MYO1D: variants seen among roughly 807,000 people sequenced by gnomAD.
MYO1D encodes the protein unconventional myosin-Id.
A neutral mutation model predicts 122.0 loss-of-function variants in MYO1D; 83 were observed. The ratio of observed to expected loss-of-function variants is 0.68; its 90% CI spans 0.57 to 0.82. MYO1D has a LOEUF of 0.82. Ranked by LOEUF, MYO1D falls within the 40% of genes least tolerant of loss-of-function variation. The probability of loss-of-function intolerance (pLI) is 0.00; values close to 1 mark genes in which losing one functional copy is unlikely to be tolerated. For missense variants in MYO1D, 1,157 were observed against 1,269.5 expected (o/e 0.91, Z 1.35); for synonymous variants, 464 against 446.9 (o/e 1.04, Z -0.48).
At chr17:32,509,337 T>C (rs1439468797) in intron 21 of MYO1D, among the ~76,000 whole-genome samples, 1 of 152,252 alleles carries the variant, frequency 6.6e-6, no homozygotes, top group Non-Finnish European at 1.5e-5. Context: ...AACATCCCTG[T>C]ATTAGCTGCT....
chr17:32,863,589 G>C (rs961294277), intron 1 of MYO1D, among the ~76,000 whole-genome samples: 2 of 152,328 alleles, frequency 1.3e-5, no homozygotes, highest in Middle Eastern at 3.4e-3. Context: ...GATCAACTTA[G>C]TGTGGAACAA....
chr17:32,630,665 T>C (rs1344680915), intron 20 of MYO1D, among the ~76,000 whole-genome samples: 1 of 150,944 alleles, frequency 6.6e-6, no homozygotes, highest in Admixed American at 6.6e-5. Flanking sequence ...CTCCGCCTCC[T>C]GGGTTCACAT....
intron 21 of MYO1D, among the ~76,000 whole-genome samples, chr17:32,581,019 A>C (rs1240313717): frequency 6.6e-6 from 1 of 152,214 alleles, no homozygotes. Context: ...GTTTGTGTAG[A>C]ACTGGTGATA....
intron 2 of MYO1D, 101 bp downstream of exon 2, chr17:32,780,474 TC>T: frequency 8.1e-7 from 1 of 1,231,158 alleles, no homozygotes; most frequent in Middle Eastern, 2.0e-4. Flanking sequence ...TGCTCAGGCT[TC>T]TACCTTTAAA....
intron 6 of MYO1D, among the ~76,000 whole-genome samples, chr17:32,768,900 C>T (rs1012988944): frequency 3.9e-5 from 6 of 152,136 alleles, no homozygotes; most frequent in African/African-American, 1.2e-4. Context: ...TCTAAATGTC[C>T]TACTGTGGGG....
chr17:32,599,069 C>T (rs545972386), intron 21 of MYO1D, among the ~76,000 whole-genome samples: 73 of 152,278 alleles, frequency 4.8e-4, no homozygotes, highest in African/African-American at 1.7e-3. Flanking sequence ...AAGTTTGCCA[C>T]ATTCATTGAC....
chr17:32,842,886 C>CTTTT (rs34927176), intron 1 of MYO1D, among the ~76,000 whole-genome samples: 280 of 104,420 alleles, frequency 2.7e-3, no homozygotes, highest in Non-Finnish European at 3.6e-3. Context: ...CTATTTCTTT[C>CTTTT]TTTTTTTTTT....
chr17:32,669,491 T>C (rs1397530523), intron 16 of MYO1D, among the ~76,000 whole-genome samples: 1 of 152,220 alleles, frequency 6.6e-6, no homozygotes, highest in Non-Finnish European at 1.5e-5. Context: ...AGTCTACCAC[T>C]TCTTTAGGTT....
chr17:32,644,924 T>TA (rs1222175615), intron 19 of MYO1D, among the ~76,000 whole-genome samples: 15 of 152,262 alleles, frequency 9.9e-5, no homozygotes, highest in African/African-American at 3.6e-4. Context: ...TTAAGGTTAA[T>TA]ACTGTTATGT....
At chr17:32,727,803 G>C (rs2089594069) in intron 14 of MYO1D, among the ~76,000 whole-genome samples, 1 of 152,148 alleles carries the variant, frequency 6.6e-6, no homozygotes, top group Non-Finnish European at 1.5e-5. Context: ...CTACTTATGA[G>C]AGACACACTT....
chr17:32,671,962 C>T (rs914440413), intron 16 of MYO1D, among the ~76,000 whole-genome samples: 1 of 152,286 alleles, frequency 6.6e-6, no homozygotes, highest in East Asian at 1.9e-4. Flanking sequence ...AACATATTAT[C>T]TATCCTGACC....
intron 1 of MYO1D, among the ~76,000 whole-genome samples, chr17:32,822,958 G>A (rs543823274): frequency 6.6e-6 from 1 of 152,128 alleles, no homozygotes; most frequent in African/African-American, 2.4e-5. Context: ...TTGTGCACAT[G>A]TACCCTAAAA....
intron 21 of MYO1D, among the ~76,000 whole-genome samples, chr17:32,561,011 A>C (rs2087120532): frequency 1.3e-5 from 2 of 150,416 alleles, no homozygotes; most frequent in African/African-American, 2.5e-5. Flanking sequence ...TCCTGGGTTC[A>C]AGTGATTCTC....
chr17:32,650,157 C>T (rs2088369001), intron 19 of MYO1D, among the ~76,000 whole-genome samples: 1 of 152,084 alleles, frequency 6.6e-6, no homozygotes, highest in South Asian at 2.1e-4. Flanking sequence ...CTGAAAAAGT[C>T]TTTATTTCAC....
chr17:32,810,084 T>C lies in MYO1D; in HGVS notation c.96-29300A>G, dbSNP rs932226334. Among the ~76,000 whole-genome samples the C allele has an allele frequency of 2.0e-5, 3 of 152,176 alleles. No individual in the cohort carries two copies. In the South Asian group the frequency reaches 6.2e-4, roughly 32 times the overall value. The stretch of plus-strand genomic sequence containing the variant: ...GAGCAGGAAGCAGCCAGGAGAATGA[T>C]GTGGCTGAAAGGTGTACATGAACAC... On this transcript the variant is annotated intron_variant, in intron 1 of 21. Transcript: ENST00000318217.
At chr17:32,832,474 AT>A (rs542457822) in intron 1 of MYO1D, among the ~76,000 whole-genome samples, 316 of 151,606 alleles carry the variant, frequency 2.1e-3, no homozygotes, top group African/African-American at 7.4e-3. Context: ...TAATTTTTGT[AT>A]TTTTAGTAGA....
chr17:32,687,542 C>T (rs2089035763), intron 16 of MYO1D, among the ~76,000 whole-genome samples: 1 of 151,928 alleles, frequency 6.6e-6, no homozygotes, highest in South Asian at 2.1e-4. Flanking sequence ...AGGATCTCAC[C>T]ATGTTGCCCA....
intron 16 of MYO1D, among the ~76,000 whole-genome samples, chr17:32,679,620 T>C (rs1460126499): frequency 6.6e-6 from 1 of 152,192 alleles, no homozygotes; most frequent in African/African-American, 2.4e-5. Flanking sequence ...TTGATCTATA[T>C]CTCTGTTTTG....
intron 1 of MYO1D, among the ~76,000 whole-genome samples, chr17:32,869,026 T>A (rs547462824): frequency 2.7e-5 from 4 of 147,354 alleles, no homozygotes; most frequent in Admixed American, 6.8e-5. Flanking sequence ...CTGACCAACA[T>A]AGCAAAACCC....
Sources: allele counts gnomAD v4.1 joint callset (sites outside exome capture counted in the v4.1 genomes callset), GRCh38; gene constraint gnomAD v4.1.1; transcripts MANE v1.5; gene names NCBI Gene and HGNC (gene_info 2026-07-23, HGNC 2026-07-21).